MFHAS1: variants seen among roughly 807,000 people sequenced by gnomAD.
MFHAS1 encodes malignant fibrous histiocytoma-amplified sequence 1.
MFHAS1 carries 50 observed loss-of-function variants against 70.4 expected under a neutral mutation model. The observed-to-expected ratio is 0.71, with a 90% CI of 0.57 to 0.90. The LOEUF (loss-of-function observed/expected upper bound fraction) is 0.90, where lower values mean the gene tolerates loss of function less well. Ranked by LOEUF, MFHAS1 falls within the 40% of genes least tolerant of loss-of-function variation. MFHAS1 has a pLI of 0.00. For synonymous variants in MFHAS1, 952 were observed against 620.0 expected (o/e 1.54, Z -7.96); for missense variants, 1,795 against 1,347.6 (o/e 1.33, Z -5.20).
At chr8:8,889,450 G>A (rs924306075) in intron 1 of MFHAS1, among the ~76,000 whole-genome samples, 1 of 152,202 alleles carries the variant, frequency 6.6e-6, no homozygotes, top group Non-Finnish European at 1.5e-5. Flanking sequence ...AAAGTGAGCA[G>A]TAATTTTTAC....
chr8:8,886,461 C>T lies in MFHAS1; in HGVS notation c.2998+3600G>A, dbSNP rs937319846. Among the ~76,000 whole-genome samples the T allele has an allele frequency of 3.3e-5, 5 of 152,132 alleles. No individual in the cohort carries two copies. In the East Asian group the frequency reaches 5.8e-4, roughly 18 times the overall value. Reference sequence around the variant, plus strand: ...GGGATTACAGCCCTGAGCCACTGCACGCTGCCCATTACTTTTCTTGTATAA... The same window carrying T: ...GGGATTACAGCCCTGAGCCACTGCATGCTGCCCATTACTTTTCTTGTATAA... On this transcript the variant is annotated intron_variant, in intron 1 of 2. Transcript: ENST00000276282.
At chr8:8,840,220 G>A (rs545350597) in intron 1 of MFHAS1, among the ~76,000 whole-genome samples, 108 of 152,272 alleles carry the variant, frequency 7.1e-4, no homozygotes, top group Non-Finnish European at 1.2e-3. Context: ...ACTTTGGGAG[G>A]CCGAAGCGGG....
At position 8,784,820 on chromosome 8, in the gene MFHAS1, G is replaced by C. The variant is rs1212338763; in HGVS notation, c.*1202C>G. ...ATGCTGTTTGGCCCAATTAAAAGTA[G>C]AATGGAGAGCAATTTGTTTGGTTGG... On this transcript the variant is annotated 3_prime_UTR_variant, in exon 3 of 3. Coordinates refer to ENST00000276282, the MANE Select transcript of MFHAS1 (RefSeq NM_004225.3). 6.6e-6 allele frequency: 1 copy of C among 152,226 alleles called. No homozygotes were observed. The highest frequency in any genetic ancestry group is 2.1e-4 in the South Asian group (1 of 4,836). 9.4% of individuals were successfully genotyped at this position (152,226 alleles called of 1,614,324 possible).
chr8:8,794,379 C>G (rs1365913590), intron 2 of MFHAS1, among the ~76,000 whole-genome samples: 1 of 152,128 alleles, frequency 6.6e-6, no homozygotes, highest in Non-Finnish European at 1.5e-5. Context: ...CCGATCCCCC[C>G]AAATCTCCCG....
intron 1 of MFHAS1, among the ~76,000 whole-genome samples, chr8:8,820,445 T>G (rs1373989038): frequency 6.6e-6 from 1 of 152,188 alleles, no homozygotes; most frequent in Non-Finnish European, 1.5e-5. Context: ...CATCTGACAG[T>G]CAGGTTAGCG....
At chr8:8,787,811 A>G (rs1805601459) in intron 2 of MFHAS1, among the ~76,000 whole-genome samples, 1 of 152,226 alleles carries the variant, frequency 6.6e-6, no homozygotes, top group Non-Finnish European at 1.5e-5. Context: ...TCCCCGGGCT[A>G]CACGTAAGAC....
chr8:8,889,365 C>A (rs772189584), intron 1 of MFHAS1, among the ~76,000 whole-genome samples: 5 of 152,176 alleles, frequency 3.3e-5, no homozygotes, highest in Non-Finnish European at 5.9e-5. Context: ...TCATGCATTA[C>A]AGTCTGAAAT....
intron 2 of MFHAS1, among the ~76,000 whole-genome samples, chr8:8,796,558 C>A (rs545303581): frequency 1.1e-4 from 16 of 148,520 alleles, no homozygotes; most frequent in Non-Finnish European, 2.1e-4. Context: ...GTGGCGGGCG[C>A]CTGTAGTCCC....
intron 1 of MFHAS1, among the ~76,000 whole-genome samples, chr8:8,801,522 A>C (rs1806083827): frequency 6.6e-6 from 1 of 152,242 alleles, no homozygotes. Flanking sequence ...CTCAGGATTT[A>C]AGAAACGTGC....
At chr8:8,884,770 G>A (rs550319080) in intron 1 of MFHAS1, among the ~76,000 whole-genome samples, 18 of 152,118 alleles carry the variant, frequency 1.2e-4, no homozygotes, top group Admixed American at 6.6e-4. Flanking sequence ...GCAACACAGC[G>A]AAACCCTGTC....
chr8:8,792,832 T>C (rs567635809), intron 2 of MFHAS1, among the ~76,000 whole-genome samples: 17 of 152,210 alleles, frequency 1.1e-4, no homozygotes, highest in Non-Finnish European at 1.5e-4. Context: ...TCAATAAAGC[T>C]TTTAAAAATG....
intron 1 of MFHAS1, among the ~76,000 whole-genome samples, chr8:8,848,209 T>A (rs1297239974): frequency 2.0e-5 from 3 of 152,198 alleles, no homozygotes; most frequent in African/African-American, 4.8e-5. Flanking sequence ...GGGTTTGCAG[T>A]TGCCATCTGC....
intron 1 of MFHAS1, among the ~76,000 whole-genome samples, chr8:8,863,763 A>G (rs1808752353): frequency 6.6e-6 from 1 of 152,182 alleles, no homozygotes; most frequent in South Asian, 2.1e-4. Context: ...ATCTCACAGA[A>G]CTAATCTATT....
In MFHAS1 at chr8:8,891,671, C is replaced by A. The variant is rs1280230622; in HGVS notation, c.1388G>T (p.Trp463Leu). The A allele has an allele frequency of 6.2e-7, 1 of 1,613,444 alleles. No homozygotes were observed. The highest frequency in any genetic ancestry group is 1.3e-5 in the African/African-American group (1 of 74,908). Reference protein sequence around the residue: ...PVSKGIEVTSWTADASRGLRF... With the variant: ...PVSKGIEVTSLTADASRGLRF... ...CAGGCCCCGGGAGGCATCGGCCGTC[C>A]AGCTGGTCACCTCGATGCCCTTGCT... The change falls in exon 1 of 3, where the codon TGG (tryptophan) becomes TTG (leucine). Residue 463 changes from tryptophan (W) to leucine (L), a missense_variant. Trp to Leu is a moderately conservative substitution (Grantham distance 61). Coordinates refer to ENST00000276282, the MANE Select transcript of MFHAS1 (RefSeq NM_004225.3). This position sits in a 1 kb window ranked among gnomAD's most constrained non-coding sequence, Gnocchi z 5.4.
At chr8:8,790,679 G>C (rs1396257894) in intron 2 of MFHAS1, among the ~76,000 whole-genome samples, 2 of 152,154 alleles carry the variant, frequency 1.3e-5, no homozygotes, top group Admixed American at 6.5e-5. Flanking sequence ...TGTGGTCAGT[G>C]AAAAATTCTC....
chr8:8,886,884 G>A (rs1443110906), intron 1 of MFHAS1, among the ~76,000 whole-genome samples: 1 of 152,202 alleles, frequency 6.6e-6, no homozygotes, highest in Non-Finnish European at 1.5e-5. Flanking sequence ...CCAGCACTTT[G>A]CGAGACTGAG....
intron 1 of MFHAS1, among the ~76,000 whole-genome samples, chr8:8,811,313 T>A (rs893350403): frequency 1.8e-4 from 17 of 94,358 alleles, no homozygotes; most frequent in South Asian, 1.1e-3. Flanking sequence ...AGAATAAAAA[T>A]TTTTTTTTTT....
At chr8:8,874,320 C>CTATA (rs1554488520) in intron 1 of MFHAS1, among the ~76,000 whole-genome samples, 3 of 140,984 alleles carry the variant, frequency 2.1e-5, no homozygotes, top group Non-Finnish European at 4.5e-5. Flanking sequence ...GTAGGATATA[C>CTATA]TATAACATTC....
chr8:8,796,733 C>G (rs1384775428), intron 2 of MFHAS1, among the ~76,000 whole-genome samples: 1 of 133,188 alleles, frequency 7.5e-6, no homozygotes, highest in African/African-American at 2.8e-5. Context: ...TGGTGGCTCA[C>G]GCCTGTAATC....
Sources: gnomAD v4.1 joint callset for allele counts (sites outside exome capture counted in the v4.1 genomes callset) on GRCh38, gnomAD v4.1.1 for gene constraint, Gnocchi (gnomAD v3.1) non-coding constraint, MANE v1.5 for transcripts, NCBI Gene and HGNC (gene_info 2026-07-23, HGNC 2026-07-21) for gene names.